The following FAM13A variants were observed in gnomAD, a reference collection of about 807,000 sequenced individuals.
FAM13A encodes the protein family with sequence similarity 13 member A, also known as protein FAM13A.
Under a neutral mutation model 129.6 loss-of-function variants are expected in FAM13A, and 76 were observed. That is an observed-to-expected ratio of 0.59 (90% confidence interval 0.49 to 0.71). The LOEUF (loss-of-function observed/expected upper bound fraction) is 0.71. Ranked by LOEUF, FAM13A falls within the 30% of genes least tolerant of loss-of-function variation. The pLI is 0.00. For missense variants in FAM13A, 1,108 were observed against 1,249.3 expected (o/e 0.89, Z 1.70); for synonymous variants, 443 against 449.9 (o/e 0.98, Z 0.20).
chr4:88,821,637 G>T lies in FAM13A; in HGVS notation c.1008-16585C>A, dbSNP rs1017739744. On this transcript the variant is annotated intron_variant, in intron 7 of 23. Coordinates refer to ENST00000264344, the MANE Select transcript of FAM13A (RefSeq NM_014883.4). ...TCGCTTAAAACCCTTAAGAACTGAT[G>T]TCATTATAAGGGGAAAAATGTCTCC... Among the ~76,000 whole-genome samples, 7 of 152,076 alleles carry T rather than the reference G, an allele frequency of 4.6e-5. No homozygotes were observed. The East Asian group carries it at 1.3e-3, about 29-fold the overall frequency.
chr4:88,927,362 G>A (rs1454067831), intron 5 of FAM13A, among the ~76,000 whole-genome samples: 1 of 150,932 alleles, frequency 6.6e-6, no homozygotes, highest in Non-Finnish European at 1.5e-5. Context: ...AGCCTTTAGG[G>A]ATTTCTAGAT....
chr4:88,728,951 G>T (rs963505868), intron 23 of FAM13A: 2 of 238,738 alleles, frequency 8.4e-6, no homozygotes, highest in Non-Finnish European at 1.6e-5. Context: ...AATTCACATT[G>T]AGCTCTCATA....
intron 7 of FAM13A, among the ~76,000 whole-genome samples, chr4:88,830,814 C>T (rs1008896715): frequency 6.6e-6 from 1 of 152,174 alleles, no homozygotes; most frequent in African/African-American, 2.4e-5. Context: ...GCTGGAAGTA[C>T]ATGATTCAGG....
intron 4 of FAM13A, among the ~76,000 whole-genome samples, chr4:88,952,425 T>A (rs766776457): frequency 1.1e-4 from 17 of 152,132 alleles, no homozygotes; most frequent in Non-Finnish European, 2.4e-4. Context: ...CAGCTCAGTA[T>A]CTCAATGTTA....
At chr4:88,776,483 C>T (rs1037829968) in intron 11 of FAM13A, among the ~76,000 whole-genome samples, 8 of 152,140 alleles carry the variant, frequency 5.3e-5, no homozygotes, top group Admixed American at 5.2e-4. Context: ...TATAACTTGT[C>T]AAATATTTTC....
At chr4:88,735,651 A>G (rs907580191) in intron 21 of FAM13A, among the ~76,000 whole-genome samples, 2 of 152,184 alleles carry the variant, frequency 1.3e-5, no homozygotes, top group Admixed American at 6.5e-5. Context: ...CTTAGATACA[A>G]TCTTACCTGC....
chr4:88,748,789 A>G (rs1227225918), intron 17 of FAM13A, among the ~76,000 whole-genome samples, 163 bp downstream of exon 17: 1 of 152,212 alleles, frequency 6.6e-6, no homozygotes, highest in Non-Finnish European at 1.5e-5. Flanking sequence ...GACTGAGACC[A>G]TGTGAAGACC....
chr4:88,747,997 C>G lies in FAM13A; in HGVS notation c.2162-146G>C, dbSNP rs1460888329. ...CTCCGCCTCCTGGGTTCACGCCATT[C>G]TCCTGCCTCAGTCTCCTGAGTAGCT... On this transcript the variant is annotated intron_variant, in intron 17 of 23. Transcript: ENST00000264344. The G allele has an allele frequency of 5.0e-6, 3 of 600,230 alleles. No homozygotes were observed. The African/African-American group carries it at 5.6e-5, about 11-fold the overall frequency. The allele number at this position is 600,230 out of a possible 1,614,324, so 37.2% of individuals were successfully genotyped here.
At chr4:88,838,726 CA>C (rs59089589) in intron 7 of FAM13A, among the ~76,000 whole-genome samples, 102,918 of 144,264 alleles carry the variant, frequency 0.71, 36,758 homozygotes, top group East Asian at 0.94. Context: ...GACTCCGTCT[CA>C]AAAAAAAAAA....
chr4:88,815,829 G>A (rs1046724047), intron 7 of FAM13A, among the ~76,000 whole-genome samples: 1 of 151,802 alleles, frequency 6.6e-6, no homozygotes, highest in African/African-American at 2.4e-5. Flanking sequence ...ATTAAAGAAG[G>A]CTGAATGTAA....
chr4:88,970,534 CTA>C (rs1356727000), intron 4 of FAM13A, among the ~76,000 whole-genome samples: 1 of 150,744 alleles, frequency 6.6e-6, no homozygotes, highest in African/African-American at 2.4e-5. Flanking sequence ...TTTGATATAT[CTA>C]TATAATACAT....
chr4:88,853,448 A>G (rs887508623), intron 6 of FAM13A, among the ~76,000 whole-genome samples: 2 of 152,324 alleles, frequency 1.3e-5, no homozygotes, highest in East Asian at 1.9e-4. Context: ...ACGCTGTTAT[A>G]TATTTCATTA....
intron 19 of FAM13A, among the ~76,000 whole-genome samples, chr4:88,744,686 C>T (rs1740937632): frequency 6.6e-6 from 1 of 152,130 alleles, no homozygotes. Context: ...CATTTACAGT[C>T]CAGGGTCCAT....
At chr4:88,977,076 T>C (rs1385020512) in intron 4 of FAM13A, among the ~76,000 whole-genome samples, 1 of 152,204 alleles carries the variant, frequency 6.6e-6, no homozygotes, top group African/African-American at 2.4e-5. Context: ...TTAAGAGATA[T>C]GTCACGTAAA....
At chr4:89,034,706 A>T (rs1769135416) in intron 1 of FAM13A, among the ~76,000 whole-genome samples, 1 of 152,122 alleles carries the variant, frequency 6.6e-6, no homozygotes, top group Non-Finnish European at 1.5e-5. Flanking sequence ...ACATGGCGAA[A>T]CCCCATCTCT....
chr4:88,792,642 G>A (rs996735384), intron 8 of FAM13A, among the ~76,000 whole-genome samples: 1 of 152,018 alleles, frequency 6.6e-6, no homozygotes, highest in African/African-American at 2.4e-5. Flanking sequence ...TTGGTTTTGA[G>A]AGCAGGGACC....
intron 6 of FAM13A, among the ~76,000 whole-genome samples, chr4:88,856,820 T>C (rs942554063): frequency 6.6e-6 from 1 of 152,186 alleles, no homozygotes; most frequent in Non-Finnish European, 1.5e-5. Flanking sequence ...TTCGTTAAAC[T>C]CATAATCTTC....
At position 88,772,640 on chromosome 4, in the gene FAM13A, A is replaced by G. The variant is rs138572167; in HGVS notation, c.1459-4581T>C. Among the ~76,000 whole-genome samples, 815 of 152,334 alleles carry G rather than the reference A, an allele frequency of 5.4e-3. 4 individuals are homozygous for G. The highest frequency in any genetic ancestry group is 0.017 in the Middle Eastern group (5 of 294). On this transcript the variant is annotated intron_variant, in intron 11 of 23. Transcript: ENST00000264344. ...TGGTAATTAGAAAATATCATAAGCC[A>G]AAAATGCATTTAGTACACTTAACCT...
chr4:88,947,366 G>A (rs1485580686), intron 4 of FAM13A, among the ~76,000 whole-genome samples: 2 of 152,122 alleles, frequency 1.3e-5, no homozygotes, highest in Non-Finnish European at 2.9e-5. Flanking sequence ...CTATGATCGC[G>A]CCACTGCATT....
Sources: allele counts gnomAD v4.1 joint callset (sites outside exome capture counted in the v4.1 genomes callset), GRCh38; gene constraint gnomAD v4.1.1; transcripts MANE v1.5; gene names NCBI Gene and HGNC (gene_info 2026-07-23, HGNC 2026-07-21).